The following SRRM4 variants were observed in gnomAD, a reference collection of about 807,000 sequenced individuals.
SRRM4 encodes the protein serine/arginine repetitive matrix 4, also known as serine/arginine repetitive matrix protein 4.
A neutral mutation model predicts 68.9 loss-of-function variants in SRRM4; 33 were observed. The observed-to-expected ratio is 0.48, with a 90% confidence interval of 0.36 to 0.64. The LOEUF (loss-of-function observed/expected upper bound fraction) is 0.64, where lower values mean the gene tolerates loss of function less well. SRRM4 is among the 30% of genes least tolerant of loss of function. SRRM4 has a pLI of 0.00. For synonymous variants in SRRM4, 318 were observed against 318.8 expected (o/e 1.00, Z 0.03); for missense variants, 817 against 827.1 (o/e 0.99, Z 0.15).
At chr12:119,029,150 C>T (rs1953569948) in intron 1 of SRRM4, among the ~76,000 whole-genome samples, 1 of 152,152 alleles carries the variant, frequency 6.6e-6, no homozygotes, top group Admixed American at 6.5e-5. Flanking sequence ...TCCCCATTCC[C>T]TCAAGGAAGA....
At chr12:119,038,717 C>A (rs994668113) in intron 1 of SRRM4, among the ~76,000 whole-genome samples, 1 of 152,098 alleles carries the variant, frequency 6.6e-6, no homozygotes, top group Non-Finnish European at 1.5e-5. Flanking sequence ...CATGTTTCCT[C>A]TTCATTTTCA....
At position 119,122,065 on chromosome 12, in the gene SRRM4, T is replaced by C. The variant is rs746606082; in HGVS notation, c.465-5T>C. 1 of 1,602,512 alleles carries C rather than the reference T, an allele frequency of 6.2e-7. No homozygotes were observed. The stretch of plus-strand genomic sequence containing the variant: ...CTTTCAATTAATTGACCATTTCTTG[T>C]TTAGCTCCTCTAGCCCAAAAAGCAA... On this transcript the variant is annotated splice_polypyrimidine_tract_variant and splice_region_variant and intron_variant, in intron 5 of 12. Transcript: ENST00000267260.
chr12:119,156,688 A>C lies in SRRM4; in HGVS notation c.1726A>C (p.Ser576Arg). 6.4e-7 allele frequency: 1 copy of C among 1,552,352 alleles called. No homozygotes were observed. Among genetic ancestry groups the C allele is most frequent in the Non-Finnish European group, 8.7e-7 (1 of 1,148,900 alleles). The stretch of plus-strand genomic sequence containing the variant: ...CAGCAGCTCTAGCTCCCGCAGCCCT[A>C]GTCCGGGCTCCCGCAGCCGGAGCCG... The part of the protein sequence containing the change: ...TSSSSSSRSP[S>R]PGSRSRSRSR... Residue 576 changes from serine to arginine, a missense_variant, in exon 13 of 13, where the codon AGT becomes CGT. Ser to Arg is a moderately radical substitution (Grantham distance 110). Transcript: ENST00000267260.
chr12:119,124,152 G>C (rs1359170689), intron 6 of SRRM4: 1 of 152,202 alleles, frequency 6.6e-6, no homozygotes, highest in Non-Finnish European at 1.5e-5. Flanking sequence ...TTAGAATACA[G>C]TGCCTGGCAT....
intron 1 of SRRM4, among the ~76,000 whole-genome samples, chr12:119,100,281 A>T (rs982520554): frequency 4.0e-5 from 6 of 149,128 alleles, no homozygotes; most frequent in Non-Finnish European, 8.9e-5. Context: ...GCTTGAGCCC[A>T]GGAGTTCAAG....
intron 1 of SRRM4, among the ~76,000 whole-genome samples, chr12:119,046,525 A>C (rs1420883379): frequency 6.2e-5 from 2 of 32,332 alleles, no homozygotes; most frequent in East Asian, 3.2e-4. Flanking sequence ...ACATCTCATA[A>C]ATAATTTTTT....
At chr12:119,046,009 G>T (rs1401916333) in intron 1 of SRRM4, among the ~76,000 whole-genome samples, 1 of 152,002 alleles carries the variant, frequency 6.6e-6, no homozygotes, top group Non-Finnish European at 1.5e-5. Flanking sequence ...CTGCGCTCCA[G>T]CCTGGCGACA....
intron 1 of SRRM4, among the ~76,000 whole-genome samples, chr12:119,068,639 G>C (rs983204703): frequency 6.6e-6 from 1 of 151,930 alleles, no homozygotes; most frequent in African/African-American, 2.4e-5. Context: ...AGACCCCTGG[G>C]CACGGGAATC....
chr12:119,111,805 AG>A (rs1192096701), intron 2 of SRRM4, among the ~76,000 whole-genome samples: 1 of 152,184 alleles, frequency 6.6e-6, no homozygotes, highest in Non-Finnish European at 1.5e-5. Flanking sequence ...GCACTATGGG[AG>A]GCCAAAGCAA....
intron 1 of SRRM4, among the ~76,000 whole-genome samples, chr12:119,014,921 T>C (rs962652253): frequency 6.6e-6 from 1 of 152,124 alleles, no homozygotes; most frequent in Admixed American, 6.5e-5. Flanking sequence ...TTCAAGAAAT[T>C]TGTGGAAGAA....
rs199972603 is a variant in SRRM4, at chr12:119,059,423, C to G, written c.132-42813C>G. On this transcript the variant is annotated intron_variant, in intron 1 of 12. Coordinates refer to ENST00000267260, the MANE Select transcript of SRRM4 (RefSeq NM_194286.4). The stretch of plus-strand genomic sequence containing the variant: ...CACATTTATCAAGGACTTGGGGAGC[C>G]AGAGGAAGCTTACAGAGGAAGTACT... Among the ~76,000 whole-genome samples, 37 of 152,142 alleles carry G rather than the reference C, an allele frequency of 2.4e-4. No individual in the cohort carries two copies. The East Asian group carries it at 6.4e-3, about 26-fold the overall frequency.
At chr12:119,060,177 A>G (rs947924830) in intron 1 of SRRM4, among the ~76,000 whole-genome samples, 1 of 152,024 alleles carries the variant, frequency 6.6e-6, no homozygotes, top group African/African-American at 2.4e-5. Context: ...GGTATCCAGG[A>G]AGAGCAAAAT....
At chr12:119,100,204 C>T (rs1032820988) in intron 1 of SRRM4, among the ~76,000 whole-genome samples, 7 of 151,594 alleles carry the variant, frequency 4.6e-5, no homozygotes, top group African/African-American at 1.7e-4. Context: ...AATTTATTAC[C>T]ATTCAGCTGA....
chr12:119,156,858 C>T lies in SRRM4; in HGVS notation c.*60C>T. 6.8e-7 allele frequency: 1 copy of T among 1,463,594 alleles called. No individual in the cohort carries two copies. Among genetic ancestry groups the T allele is most frequent in the South Asian group, 1.4e-5 (1 of 71,588 alleles). 90.7% of individuals were successfully genotyped at this position (1,463,594 alleles called of 1,614,324 possible). ...CGCGCTGCCAGCCTCCCCCAACCAC[C>T]TGCCCTCCCCGCCTTCTTGGTGACA... On this transcript the variant is annotated 3_prime_UTR_variant, in exon 13 of 13. Transcript: ENST00000267260.
intron 1 of SRRM4, among the ~76,000 whole-genome samples, chr12:118,987,501 AT>A (rs1297517396): frequency 6.6e-6 from 1 of 152,188 alleles, no homozygotes; most frequent in Non-Finnish European, 1.5e-5. Flanking sequence ...TGTTTGAAAC[AT>A]TTGATGGACC....
chr12:119,052,807 G>T (rs1953752645), intron 1 of SRRM4, among the ~76,000 whole-genome samples: 1 of 152,228 alleles, frequency 6.6e-6, no homozygotes. Context: ...GGGATTACAG[G>T]CGTGAGCCAC....
chr12:119,067,320 C>A (rs960906758), intron 1 of SRRM4, among the ~76,000 whole-genome samples: 1 of 152,158 alleles, frequency 6.6e-6, no homozygotes. Context: ...CCTGGGAGCC[C>A]ATTGCTTCTT....
rs777947435 is a variant in SRRM4 at position 119,130,703 on chromosome 12, G to A, written c.640G>A (p.Gly214Arg). 16 of 1,611,124 alleles carry A rather than the reference G, an allele frequency of 9.9e-6. No individual in the cohort carries two copies. Among genetic ancestry groups the A allele is most frequent in the Non-Finnish European group, 1.2e-5 (14 of 1,179,686 alleles). ...SRHRGRSPEE[G>R]QKSRRRHSRR... is the part of the protein sequence containing the mutation. ...GCACCGCGGCCGGTCCCCTGAGGAA[G>A]GGCAGAAGTCCCGCCGAAGGCACTC... Residue 214 changes from glycine (G) to arginine (R), a missense_variant, in exon 8 of 13, where the codon GGG becomes AGG. Gly to Arg is a moderately radical substitution (Grantham distance 125). Coordinates refer to ENST00000267260, the MANE Select transcript of SRRM4 (RefSeq NM_194286.4).
intron 1 of SRRM4, among the ~76,000 whole-genome samples, chr12:119,041,337 G>A (rs939118799): frequency 6.6e-6 from 1 of 152,152 alleles, no homozygotes; most frequent in Admixed American, 6.5e-5. Context: ...ACTTGTGGAT[G>A]CCTCAGTTTC....
Sources: allele counts gnomAD v4.1 joint callset (sites outside exome capture counted in the v4.1 genomes callset), GRCh38; gene constraint gnomAD v4.1.1; transcripts MANE v1.5; gene names NCBI Gene and HGNC (gene_info 2026-07-23, HGNC 2026-07-21).